AKAP11: variants seen among roughly 807,000 people sequenced by gnomAD.
AKAP11 encodes A-kinase anchoring protein 11.
Under a neutral mutation model 146.1 loss-of-function variants are expected in AKAP11, and 36 were observed. The observed-to-expected ratio is 0.25, with a 90% CI of 0.19 to 0.33. The LOEUF (loss-of-function observed/expected upper bound fraction) is 0.33, where lower values mean the gene tolerates loss of function less well. AKAP11 is among the 10% of genes least tolerant of loss of function. The probability of loss-of-function intolerance (pLI) is 1.00; values close to 1 mark genes in which losing one functional copy is unlikely to be tolerated. For missense variants in AKAP11, 2,201 were observed against 2,197.0 expected (o/e 1.00, Z -0.04); for synonymous variants, 780 against 786.5 (o/e 0.99, Z 0.14).
At chr13:42,286,717 A>G (rs1358458459) in intron 3 of AKAP11, among the ~76,000 whole-genome samples, 2 of 152,144 alleles carry the variant, frequency 1.3e-5, no homozygotes, top group African/African-American at 2.4e-5. Flanking sequence ...TCATTCCTTC[A>G]TTCAGCAAAT....
upstream of AKAP11, among the ~76,000 whole-genome samples, chr13:42,271,865 G>A (rs924816760): frequency 6.6e-6 from 1 of 151,642 alleles, no homozygotes; most frequent in African/African-American, 2.4e-5. Context: ...GCTGCCCCGC[G>A]GGCTGCTCCG....
chr13:42,294,926 T>C (rs887506440), intron 4 of AKAP11, among the ~76,000 whole-genome samples: 1 of 152,244 alleles, frequency 6.6e-6, no homozygotes, highest in East Asian at 1.9e-4. Flanking sequence ...ATGCAGGCTG[T>C]AAATCATTTT....
intron 2 of AKAP11, 104 bp from the exon 3 acceptor site, chr13:42,286,196 T>C (rs1395995705): frequency 4.4e-6 from 2 of 450,278 alleles, no homozygotes; most frequent in Non-Finnish European, 7.8e-6. Flanking sequence ...TTTTCATTTT[T>C]ATTTTTCTTT....
Position 42,295,719 on chromosome 13 carries a change from G to A in AKAP11, c.193G>A (p.Glu65Lys). Residue 65 changes from glutamate to lysine, a missense_variant, in exon 5 of 13, where the codon GAG (glutamate) becomes AAG (lysine). By Grantham distance (56) the Glu-to-Lys change is moderately conservative. Around this residue, in one of 3 missense-constraint regions of AKAP11, gnomAD observed 331 missense variants for 347.4 expected, o/e 0.95. Transcript: ENST00000025301. The stretch of plus-strand genomic sequence containing the variant: ...GGTCACATTTCTGGGTTTTAATGAA[G>A]AGACAGATGCTGCTCATATACAGGT... ...TEVTFLGFNEETDAAHIQDLA... is the reference protein window; with the variant it reads ...TEVTFLGFNEKTDAAHIQDLA... 6.2e-7 allele frequency: 1 copy of A among 1,610,796 alleles called. No homozygotes were observed. The highest frequency in any genetic ancestry group is 8.5e-7 in the Non-Finnish European group (1 of 1,179,112).
chr13:42,315,408 G>C (rs1005685739), intron 11 of AKAP11, among the ~76,000 whole-genome samples: 19 of 152,000 alleles, frequency 1.3e-4, no homozygotes, highest in African/African-American at 4.6e-4. Context: ...TTTCATTCTT[G>C]TTCACTAAAA....
intron 11 of AKAP11, among the ~76,000 whole-genome samples, chr13:42,314,442 G>T: frequency 1.2e-5 from 1 of 81,962 alleles, no homozygotes; most frequent in South Asian, 5.1e-4. Flanking sequence ...CAGAGACTCT[G>T]ACTTAAAAAA....
chr13:42,298,697 T>C lies in AKAP11; in HGVS notation c.516T>C (p.Asp172=). 2 of 1,611,270 alleles carry C rather than the reference T, an allele frequency of 1.2e-6. No homozygotes were observed. The highest frequency in any genetic ancestry group is 2.2e-5 in the South Asian group (2 of 90,556). Residue 172 remains aspartate (D), a synonymous_variant, in exon 7 of 13, where the codon GAT becomes GAC. Coordinates refer to ENST00000025301, the MANE Select transcript of AKAP11 (RefSeq NM_016248.4). ...QKHQLETTDE[D]DDDTNQSVSS... is the part of the protein sequence containing the mutation. ...ACCAACTTGAGACCACTGATGAAGA[T>C]GATGATGATACTAACCAGTCTGTGT...
intron 9 of AKAP11, 62 bp downstream of exon 9, chr13:42,308,671 A>G: frequency 1.6e-6 from 2 of 1,272,190 alleles, no homozygotes; most frequent in South Asian, 3.8e-5. Flanking sequence ...AGTGAGCTAT[A>G]AATTTACATT....
chr13:42,311,226 G>C (rs1960548187), intron 9 of AKAP11, among the ~76,000 whole-genome samples: 1 of 152,136 alleles, frequency 6.6e-6, no homozygotes, highest in African/African-American at 2.4e-5. Flanking sequence ...ACCACTGGTT[G>C]GAGTACTCCT....
At chr13:42,293,161 A>G (rs1959295321) in intron 4 of AKAP11, among the ~76,000 whole-genome samples, 1 of 152,238 alleles carries the variant, frequency 6.6e-6, no homozygotes. Flanking sequence ...ATTTGAAGTT[A>G]AAACATTTTA....
rs1961111668 is a variant in AKAP11, at chr13:42,322,115, A to G, written c.*2887A>G. 1 of 152,320 alleles carries G rather than the reference A, an allele frequency of 6.6e-6. No individual in the cohort carries two copies. The highest frequency in any genetic ancestry group is 2.4e-5 in the African/African-American group (1 of 41,464). 9.4% of individuals were successfully genotyped at this position (152,320 alleles called of 1,614,324 possible). A position where few individuals can be genotyped will look rare whatever the true frequency, so the allele number is the denominator to read the frequency against. ...TGACAATATCTGTTGGATATTTGAT[A>G]TAATTTAATGGTGTTATAAAACCTT... is the stretch of plus-strand genomic sequence containing the variant. On this transcript the variant is annotated 3_prime_UTR_variant, in exon 13 of 13. Transcript: ENST00000025301.
At chr13:42,275,982 T>G (rs1958907137) in intron 1 of AKAP11, among the ~76,000 whole-genome samples, 1 of 152,202 alleles carries the variant, frequency 6.6e-6, no homozygotes, top group Admixed American at 6.5e-5. Context: ...AACCATTTCT[T>G]GACTTCAGTG....
In AKAP11 at chr13:42,317,644, G is replaced by A. The variant is rs778596134; in HGVS notation, c.5521G>A (p.Ala1841Thr). 1 of 1,614,102 alleles carries A rather than the reference G, an allele frequency of 6.2e-7. No homozygotes were observed. The highest frequency in any genetic ancestry group is 1.1e-5 in the South Asian group (1 of 91,072). ...GCTCATTGCCTCTGAGGCTGAAGTT[G>A]CAGAACTTTATTTTCATGACTCTGC... ...QWLIASEAEV[A>T]ELYFHDSANK... Residue 1841 changes from alanine (A) to threonine (T), a missense_variant, in exon 12 of 13, where the codon GCA becomes ACA. Ala to Thr is a moderately conservative substitution (Grantham distance 58). Transcript: ENST00000025301.
intron 8 of AKAP11, among the ~76,000 whole-genome samples, chr13:42,305,400 A>C (rs7327683): frequency 2.0e-5 from 3 of 152,070 alleles, no homozygotes. Context: ...AGAGGTCTCT[A>C]TTTGCCCTAA....
intron 8 of AKAP11, among the ~76,000 whole-genome samples, chr13:42,304,690 A>G (rs1402683260): frequency 1.3e-5 from 2 of 152,108 alleles, no homozygotes; most frequent in Admixed American, 1.3e-4. Flanking sequence ...ATCTAAGAGG[A>G]CAGTTCTTTC....
Position 42,308,533 on chromosome 13 carries a change from A to G in AKAP11, c.5197A>G (p.Thr1733Ala), listed in dbSNP as rs1436811917. 2 of 1,613,580 alleles carry G rather than the reference A, an allele frequency of 1.2e-6. No homozygotes were observed. Residue 1733 changes from threonine (T) to alanine (A), a missense_variant, in exon 9 of 13, where the codon ACT becomes GCT. Around this residue, in one of 3 missense-constraint regions of AKAP11, gnomAD observed 1,867 missense variants for 1,833.5 expected, o/e 1.02. Transcript: ENST00000025301. ...GAACCTCAGTATTGGTGATGACAGC[A>G]CTGGTAGCTGGTCCAATTTAAGTTT... ...QMNLSIGDDS[T>A]GSWSNLSFED...
In AKAP11 at chr13:42,302,941, C is replaced by T. The variant is rs1230045522; in HGVS notation, c.4195C>T (p.Pro1399Ser). The T allele has an allele frequency of 6.2e-7, 1 of 1,613,674 alleles. No homozygotes were observed. The change falls in exon 8 of 13, where the codon CCA becomes TCA. Residue 1399 changes from proline to serine, a missense_variant. By Grantham distance (74) the Pro-to-Ser change is moderately conservative. Transcript: ENST00000025301. ...GTGCAACTCAAGAATGTTCCCTGTG[C>T]CAAGTTCACAAGTGAAAACAAACAA... Reference protein sequence around the residue: ...VQCNSRMFPVPSSQVKTNKEL... With the variant: ...VQCNSRMFPVSSSQVKTNKEL...
chr13:42,272,985 CTGCTT>C (rs1427573352), intron 1 of AKAP11, among the ~76,000 whole-genome samples: 4 of 152,036 alleles, frequency 2.6e-5, no homozygotes, highest in African/African-American at 9.7e-5. Context: ...TTTTTTTTCT[CTGCTT>C]TGTCTGTCTT....
chr13:42,304,793 C>T (rs1188799307), intron 8 of AKAP11, among the ~76,000 whole-genome samples: 1 of 151,844 alleles, frequency 6.6e-6, no homozygotes, highest in Non-Finnish European at 1.5e-5. Context: ...CACTGTTGCC[C>T]AGGCTGGAGT....
Sources: allele counts gnomAD v4.1 joint callset (sites outside exome capture counted in the v4.1 genomes callset), GRCh38; gene constraint gnomAD v4.1.1; regional missense constraint gnomAD v4.1.1; transcripts MANE v1.5; gene names NCBI Gene and HGNC (gene_info 2026-07-23, HGNC 2026-07-21).